Variants in AGBL4 observed in about 807,000 individuals in gnomAD.
AGBL4 encodes AGBL carboxypeptidase 4.
In AGBL4, 58 loss-of-function variants were observed where a neutral mutation model predicts 66.4. The observed-to-expected ratio is 0.87, with a 90% confidence interval of 0.71 to 1.09. AGBL4 has a LOEUF of 1.09. Ranked by LOEUF, AGBL4 falls within the 50% of genes least tolerant of loss-of-function variation. The pLI is 0.00. For synonymous variants in AGBL4, 234 were observed against 222.9 expected, an observed-to-expected ratio of 1.05 and a Z score of -0.44; for missense variants, 579 against 631.0, an observed-to-expected ratio of 0.92 and a Z score of 0.88.
intron 3 of AGBL4, among the ~76,000 whole-genome samples, chr1:49,472,574 T>C (rs1043279885): frequency 1.3e-5 from 2 of 152,052 alleles, no homozygotes; most frequent in African/African-American, 4.8e-5. Context: ...TATCCAGCAA[T>C]TCCACTTCTC....
At chr1:49,027,017 G>T (rs556610947) in intron 5 of AGBL4, among the ~76,000 whole-genome samples, 1 of 152,002 alleles carries the variant, frequency 6.6e-6, no homozygotes, top group Non-Finnish European at 1.5e-5. Context: ...TTGTAATGAG[G>T]GCCCAACAGA....
At chr1:48,721,657 C>T (rs1380751477) in intron 6 of AGBL4, among the ~76,000 whole-genome samples, 1 of 152,194 alleles carries the variant, frequency 6.6e-6, no homozygotes, top group East Asian at 1.9e-4. Context: ...TTCAGCACTG[C>T]CCAGATCAGG....
At chr1:49,348,022 T>A (rs1475205106) in intron 3 of AGBL4, among the ~76,000 whole-genome samples, 1 of 152,204 alleles carries the variant, frequency 6.6e-6, no homozygotes, top group Admixed American at 6.5e-5. Context: ...TTACTTTTTA[T>A]GGCAAAGGCT....
chr1:49,975,992 A>G, intron 1 of AGBL4, among the ~76,000 whole-genome samples: 1 of 152,158 alleles, frequency 6.6e-6, no homozygotes, highest in Non-Finnish European at 1.5e-5. Context: ...AGGCAGGGTA[A>G]GGGGTGTCAG....
At position 49,903,442 on chromosome 1, in the gene AGBL4, G is replaced by A. The variant is rs1028018094; in HGVS notation, c.35-51924C>T. On this transcript the variant is annotated intron_variant, in intron 1 of 13. Transcript: ENST00000371839. ...TAGGTGATGAAATAATCTGTACACC[G>A]AACCCCTGTTACACACAGTTTACCT... is the stretch of plus-strand genomic sequence containing the variant. Among the ~76,000 whole-genome samples, 8 of 152,012 alleles carry A rather than the reference G, an allele frequency of 5.3e-5. No individual in the cohort carries two copies. The South Asian group carries it at 6.2e-4, about 12-fold the overall frequency.
intron 3 of AGBL4, among the ~76,000 whole-genome samples, chr1:49,413,448 A>T (rs1052436366): frequency 2.6e-5 from 4 of 152,212 alleles, no homozygotes; most frequent in Admixed American, 1.3e-4. Flanking sequence ...AAAGAATTGT[A>T]TATAAATATG....
At chr1:49,571,332 T>C (rs913674044) in intron 3 of AGBL4, among the ~76,000 whole-genome samples, 3 of 152,050 alleles carry the variant, frequency 2.0e-5, no homozygotes, top group Non-Finnish European at 4.4e-5. Context: ...CCTAGGTATT[T>C]TTTTTCAGTT....
chr1:49,114,892 T>C (rs890424824), intron 4 of AGBL4, among the ~76,000 whole-genome samples: 1 of 152,182 alleles, frequency 6.6e-6, no homozygotes, highest in Admixed American at 6.5e-5. Flanking sequence ...CAAAGATCAC[T>C]GATTACAAAT....
intron 3 of AGBL4, among the ~76,000 whole-genome samples, chr1:49,346,724 C>T (rs564219727): frequency 6.9e-4 from 105 of 152,262 alleles, no homozygotes; most frequent in African/African-American, 2.3e-3. Flanking sequence ...GCTCCTACTT[C>T]GCCTGAAGAA....
chr1:48,743,077 C>T (rs1372030926), intron 6 of AGBL4, among the ~76,000 whole-genome samples: 12 of 152,140 alleles, frequency 7.9e-5, no homozygotes, highest in Admixed American at 1.3e-4. Flanking sequence ...GAAAGAGGTT[C>T]TGTTACGCCT....
intron 1 of AGBL4, among the ~76,000 whole-genome samples, chr1:49,984,155 T>C (rs1659311393): frequency 6.6e-6 from 1 of 152,248 alleles, no homozygotes; most frequent in Non-Finnish European, 1.5e-5. Context: ...TCTTGTTCTC[T>C]AGCAGCTAAA....
chr1:48,736,502 T>C lies in AGBL4; in HGVS notation c.635-73261A>G, dbSNP rs1463671193. 1 of 1,515,234 alleles carries C rather than the reference T, an allele frequency of 6.6e-7. No individual in the cohort carries two copies. Among genetic ancestry groups the C allele is most frequent in the Non-Finnish European group, 9.1e-7 (1 of 1,094,436 alleles). The allele number at this position is 1,515,234 out of a possible 1,614,324, so 93.9% of individuals were successfully genotyped here. A position where few individuals can be genotyped will look rare whatever the true frequency, so the allele number is the denominator to read the frequency against. The stretch of plus-strand genomic sequence containing the variant: ...CCTGTTTAGTCCGACAGGAGGGCAG[T>C]GGGAGGCTTCTCTTGTCCTTTAAAA... On this transcript the variant is annotated intron_variant, in intron 6 of 13. Transcript: ENST00000371839. This position sits in a 1 kb window ranked among gnomAD's most constrained non-coding sequence, Gnocchi z 4.0.
chr1:49,799,496 A>G (rs927822253), intron 2 of AGBL4, among the ~76,000 whole-genome samples: 1 of 152,180 alleles, frequency 6.6e-6, no homozygotes, highest in East Asian at 1.9e-4. Flanking sequence ...TATGCTAGTA[A>G]TGATTAATGT....
chr1:49,079,343 T>C (rs1644765647), intron 4 of AGBL4, among the ~76,000 whole-genome samples: 1 of 152,138 alleles, frequency 6.6e-6, no homozygotes, highest in Non-Finnish European at 1.5e-5. Flanking sequence ...GAAAGAGATT[T>C]AATTGACTCA....
chr1:49,672,921 CAA>C (rs60612868), intron 3 of AGBL4, among the ~76,000 whole-genome samples: 16 of 47,078 alleles, frequency 3.4e-4, no homozygotes, highest in African/African-American at 9.9e-4. Context: ...AACTCCATCT[CAA>C]AAAAAAAAAA....
intron 3 of AGBL4, among the ~76,000 whole-genome samples, chr1:49,392,698 T>TACACACACAC (rs55786055): frequency 4.1e-5 from 6 of 147,514 alleles, no homozygotes; most frequent in African/African-American, 1.5e-4. Flanking sequence ...CAACTGTGTA[T>TACACACACAC]ACACACACAC....
In AGBL4 at chr1:49,515,085, T is replaced by C. The variant is rs888908545; in HGVS notation, c.282+182228A>G. Among the ~76,000 whole-genome samples the C allele has an allele frequency of 3.9e-5, 6 of 152,044 alleles. 1 individual carries two copies. Among genetic ancestry groups the C allele is most frequent in the Admixed American group, 1.3e-4 (2 of 15,270 alleles). On this transcript the variant is annotated intron_variant, in intron 3 of 13. Coordinates refer to ENST00000371839, the MANE Select transcript of AGBL4 (RefSeq NM_032785.4). The stretch of plus-strand genomic sequence containing the variant: ...TTCTGCACAGCAAAAGAAATTACCA[T>C]CAGACTGAACAGGCAACCTACAGAA...
chr1:49,464,091 C>G (rs778584313), intron 3 of AGBL4, among the ~76,000 whole-genome samples: 12 of 151,602 alleles, frequency 7.9e-5, no homozygotes, highest in Non-Finnish European at 1.5e-4. Context: ...CAAACAGAAT[C>G]AGAGAATATA....
chr1:49,461,428 C>G (rs898735096), intron 3 of AGBL4, among the ~76,000 whole-genome samples: 1 of 149,974 alleles, frequency 6.7e-6, no homozygotes, highest in Non-Finnish European at 1.5e-5. Context: ...CTAAGTGTCT[C>G]CTTGATTTCC....
Sources: allele counts gnomAD v4.1 joint callset (sites outside exome capture counted in the v4.1 genomes callset), GRCh38; gene constraint gnomAD v4.1.1; non-coding constraint Gnocchi (gnomAD v3.1); transcripts MANE v1.5; gene names NCBI Gene and HGNC (gene_info 2026-07-23, HGNC 2026-07-21).